Variants in C16orf78 observed in about 807,000 individuals in gnomAD.
C16orf78 encodes the protein uncharacterized protein C16orf78.
C16orf78 carries 19 observed loss-of-function variants against 27.3 expected under a neutral mutation model. The ratio of observed to expected loss-of-function variants is 0.70; its 90% CI spans 0.49 to 1.02. C16orf78 has a LOEUF of 1.02. Among genes scored for constraint, C16orf78 ranks in the 50% least tolerant of loss-of-function variants. The probability of loss-of-function intolerance (pLI) is 0.00; values close to 1 mark genes in which losing one functional copy is unlikely to be tolerated. For synonymous variants in C16orf78, 130 were observed against 116.1 expected (o/e 1.12, Z -0.77); for missense variants, 339 against 337.0 (o/e 1.01, Z -0.05).
intron 3 of C16orf78, among the ~76,000 whole-genome samples, chr16:49,382,903 G>A (rs1410331496): frequency 3.3e-5 from 5 of 152,130 alleles, no homozygotes; most frequent in African/African-American, 1.2e-4. Flanking sequence ...ACTCAAAGTA[G>A]TCTATTAAGA....
intron 3 of C16orf78, among the ~76,000 whole-genome samples, chr16:49,380,379 A>G (rs1178465645): frequency 6.6e-6 from 1 of 152,228 alleles, no homozygotes; most frequent in South Asian, 2.1e-4. Context: ...AGGTTTATTT[A>G]AAAAATAATC....
intron 4 of C16orf78, among the ~76,000 whole-genome samples, chr16:49,397,454 T>C (rs986283590): frequency 4.6e-5 from 7 of 152,220 alleles, no homozygotes; most frequent in Non-Finnish European, 8.8e-5. Flanking sequence ...CACAAAGTCC[T>C]GCTCTGCTCA....
At chr16:49,380,300 A>G (rs1251387465) in intron 3 of C16orf78, among the ~76,000 whole-genome samples, 3 of 152,144 alleles carry the variant, frequency 2.0e-5, no homozygotes, top group African/African-American at 7.2e-5. Flanking sequence ...TCATATATAC[A>G]TCTATCCTGT....
At chr16:49,393,288 A>T (rs753736338) in intron 3 of C16orf78, among the ~76,000 whole-genome samples, 1 of 152,244 alleles carries the variant, frequency 6.6e-6, no homozygotes, top group East Asian at 1.9e-4. Flanking sequence ...CAGGAAATAC[A>T]TAGAAGAATG....
At chr16:49,390,867 C>T (rs560702329) in intron 3 of C16orf78, among the ~76,000 whole-genome samples, 1 of 152,304 alleles carries the variant, frequency 6.6e-6, no homozygotes, top group South Asian at 2.1e-4. Flanking sequence ...CCCTGCAACC[C>T]CGTGCTGCAA....
At chr16:49,392,335 G>A (rs957113008) in intron 3 of C16orf78, among the ~76,000 whole-genome samples, 1 of 152,194 alleles carries the variant, frequency 6.6e-6, no homozygotes, top group South Asian at 2.1e-4. Context: ...ATTTTTATCA[G>A]CCATACATTC....
intron 3 of C16orf78, among the ~76,000 whole-genome samples, chr16:49,395,654 T>C (rs1965461882): frequency 6.6e-6 from 1 of 152,230 alleles, no homozygotes. Context: ...CGTGTATTTG[T>C]GCCTTCACAC....
intron 3 of C16orf78, among the ~76,000 whole-genome samples, chr16:49,382,463 C>A (rs1198380402): frequency 6.6e-6 from 1 of 151,746 alleles, no homozygotes; most frequent in Non-Finnish European, 1.5e-5. Flanking sequence ...AAAAGAATTA[C>A]ATCACAGAAT....
chr16:49,396,600 A>G lies in C16orf78; in HGVS notation c.572A>G (p.Lys191Arg). The G allele has an allele frequency of 6.2e-7, 1 of 1,614,116 alleles. No individual in the cohort carries two copies. The highest frequency in any genetic ancestry group is 8.5e-7 in the Non-Finnish European group (1 of 1,180,036). Residue 191 changes from lysine to arginine, a missense_variant, in exon 4 of 5, where the codon AAG becomes AGG. Lys to Arg is a conservative substitution (Grantham distance 26). Transcript: ENST00000299191. ...GACATGGCTTACGAACGCAAGCTAA[A>G]GAGCCTCATGGAGAAAAGCACCGAA... ...MPDMAYERKL[K>R]SLMEKSTEPK...
At chr16:49,395,876 A>T (rs60436547) in intron 3 of C16orf78, among the ~76,000 whole-genome samples, 1,734 of 152,190 alleles carry the variant, frequency 0.011, 29 homozygotes, top group African/African-American at 0.038. Context: ...GAAAGGGGGA[A>T]GGAGGGAAAG....
At chr16:49,397,650 G>A (rs1965490498) in intron 4 of C16orf78, among the ~76,000 whole-genome samples, 1 of 152,214 alleles carries the variant, frequency 6.6e-6, no homozygotes, top group Admixed American at 6.5e-5. Context: ...TCCATGGTGG[G>A]GGGAAAGAGA....
intron 3 of C16orf78, among the ~76,000 whole-genome samples, chr16:49,379,715 G>A (rs779023984): frequency 5.3e-5 from 8 of 152,128 alleles, no homozygotes; most frequent in Non-Finnish European, 8.8e-5. Context: ...TGCCATGGAC[G>A]TAAGATGTTA....
intron 4 of C16orf78, among the ~76,000 whole-genome samples, chr16:49,397,242 A>T (rs1338562433): frequency 6.6e-6 from 1 of 152,120 alleles, no homozygotes; most frequent in Non-Finnish European, 1.5e-5. Context: ...AGATTCCCCC[A>T]TCAAAAAACA....
At chr16:49,381,288 T>G (rs1001000906) in intron 3 of C16orf78, among the ~76,000 whole-genome samples, 1 of 152,212 alleles carries the variant, frequency 6.6e-6, no homozygotes, top group Non-Finnish European at 1.5e-5. Context: ...TTCCATTTGT[T>G]TGTATCCTCT....
chr16:49,388,440 T>TG (rs1347571715), intron 3 of C16orf78, among the ~76,000 whole-genome samples: 1 of 152,208 alleles, frequency 6.6e-6, no homozygotes, highest in Admixed American at 6.5e-5. Flanking sequence ...AATAACTTCT[T>TG]GATTTCTGCC....
intron 3 of C16orf78, among the ~76,000 whole-genome samples, chr16:49,389,888 G>A (rs1375980641): frequency 6.6e-6 from 1 of 152,170 alleles, no homozygotes; most frequent in Non-Finnish European, 1.5e-5. Context: ...TTTCTGTGTG[G>A]AATAATTTTC....
intron 1 of C16orf78, among the ~76,000 whole-genome samples, chr16:49,374,384 C>T (rs898323002): frequency 2.0e-5 from 3 of 152,140 alleles, no homozygotes; most frequent in Non-Finnish European, 4.4e-5. Context: ...CCTCCCAGGT[C>T]CTTGAGAAAA....
At chr16:49,375,931 T>G (rs2151609875) in intron 1 of C16orf78, among the ~76,000 whole-genome samples, 1 of 152,376 alleles carries the variant, frequency 6.6e-6, no homozygotes, top group South Asian at 2.1e-4. Context: ...AATAATCACA[T>G]TTTAACAACT....
intron 3 of C16orf78, among the ~76,000 whole-genome samples, chr16:49,388,071 G>A (rs1399211691): frequency 6.6e-6 from 1 of 152,088 alleles, no homozygotes; most frequent in African/African-American, 2.4e-5. Context: ...GATGCCTTGA[G>A]CCTAGGAGTT....
Sources: allele counts gnomAD v4.1 joint callset (sites outside exome capture counted in the v4.1 genomes callset), GRCh38; gene constraint gnomAD v4.1.1; transcripts MANE v1.5; gene names NCBI Gene and HGNC (gene_info 2026-07-23, HGNC 2026-07-21).